Variants in PLPP3 observed in about 807,000 individuals in gnomAD.
PLPP3 encodes the protein PAP2 beta.
Under a neutral mutation model 29.6 loss-of-function variants are expected in PLPP3, and 6 were observed. The observed-to-expected ratio is 0.20, with a 90% CI of 0.11 to 0.40. The LOEUF is 0.40. Ranked by LOEUF, PLPP3 falls within the 10% of genes least tolerant of loss-of-function variation. The pLI is 1.00. For synonymous variants in PLPP3, 152 were observed against 159.7 expected, an observed-to-expected ratio of 0.95 and a Z score of 0.36; for missense variants, 308 against 407.7, an observed-to-expected ratio of 0.76 and a Z score of 2.11.
At chr1:56,496,793 C>G (rs1645634082) in intron 5 of PLPP3, 117 bp from the exon 6 acceptor site, 1 of 1,003,908 alleles carries the variant, frequency 1.0e-6, no homozygotes, top group Admixed American at 2.7e-5. Flanking sequence ...AATCATAACT[C>G]TTTGAATAGG....
intron 1 of PLPP3, among the ~76,000 whole-genome samples, chr1:56,559,029 A>G (rs1221811639): frequency 6.6e-6 from 1 of 152,204 alleles, no homozygotes; most frequent in Non-Finnish European, 1.5e-5. Context: ...AAACCAACAG[A>G]GTTCAAGTGA....
intron 4 of PLPP3, among the ~76,000 whole-genome samples, chr1:56,515,432 C>A (rs1370885390): frequency 6.6e-6 from 1 of 152,136 alleles, no homozygotes; most frequent in Non-Finnish European, 1.5e-5. Context: ...TGTTTCCCAA[C>A]CGGACAAAGC....
intron 1 of PLPP3, among the ~76,000 whole-genome samples, chr1:56,555,663 C>G (rs750417793): frequency 6.6e-6 from 1 of 152,018 alleles, no homozygotes; most frequent in Non-Finnish European, 1.5e-5. Flanking sequence ...CAAGGGCCAT[C>G]ATGCTTGGCT....
chr1:56,535,671 G>A (rs1386135826), intron 2 of PLPP3, among the ~76,000 whole-genome samples: 2 of 152,196 alleles, frequency 1.3e-5, no homozygotes, highest in Non-Finnish European at 2.9e-5. Context: ...CAAGCAGCAA[G>A]CGAAGAGCTG....
intron 1 of PLPP3, among the ~76,000 whole-genome samples, chr1:56,538,219 T>G (rs750720611): frequency 2.0e-5 from 3 of 152,188 alleles, no homozygotes; most frequent in Non-Finnish European, 4.4e-5. Flanking sequence ...CATGCTCTGC[T>G]GCTCCTCTTC....
At chr1:56,543,337 G>C (rs971497249) in intron 1 of PLPP3, among the ~76,000 whole-genome samples, 1 of 152,146 alleles carries the variant, frequency 6.6e-6, no homozygotes, top group Admixed American at 6.5e-5. Flanking sequence ...TTTTATAACT[G>C]GTACAAGGTC....
chr1:56,563,461 C>G (rs1318670224), intron 1 of PLPP3, among the ~76,000 whole-genome samples: 1 of 152,190 alleles, frequency 6.6e-6, no homozygotes, highest in Non-Finnish European at 1.5e-5. Context: ...TGCTGTCTCT[C>G]TGCAGAAAAG....
intron 2 of PLPP3, among the ~76,000 whole-genome samples, chr1:56,534,782 A>T (rs980446940): frequency 3.3e-5 from 5 of 152,130 alleles, no homozygotes; most frequent in African/African-American, 4.8e-5. Context: ...TACCCTTGAT[A>T]GTTATGACAG....
chr1:56,524,827 TG>T lies in PLPP3; in HGVS notation c.298-274del, dbSNP rs1645843033. On this transcript the variant is annotated intron_variant, in intron 2 of 5. Coordinates refer to ENST00000371250, the MANE Select transcript of PLPP3 (RefSeq NM_003713.5). This position sits in a 1 kb window ranked among gnomAD's most constrained non-coding sequence, Gnocchi z 4.3. Reference sequence around the variant, plus strand: ...GTGTATGTGTGTGTGTGTGTGTGTGTGTGTGTATCTTTTTTTTTAAGGGAGA... The same window carrying T: ...GTGTATGTGTGTGTGTGTGTGTGTGTTGTGTATCTTTTTTTTTAAGGGAGA... Among the ~76,000 whole-genome samples the T allele has an allele frequency of 6.6e-6, 1 of 152,074 alleles. No homozygotes were observed. Among genetic ancestry groups the T allele is most frequent in the Admixed American group, 6.6e-5 (1 of 15,248 alleles).
intron 1 of PLPP3, among the ~76,000 whole-genome samples, chr1:56,562,036 CAAAAAAAAAAAAA>C (rs71048439): frequency 5.9e-5 from 3 of 50,958 alleles, no homozygotes; most frequent in East Asian, 8.8e-4. Context: ...CTCCGTTTCA[CAAAAAAAAAAAAA>C]AAAAAAAAAA....
At chr1:56,576,530 A>G (rs934186696) in intron 1 of PLPP3, among the ~76,000 whole-genome samples, 18 of 152,174 alleles carry the variant, frequency 1.2e-4, no homozygotes, top group African/African-American at 3.9e-4. Flanking sequence ...AATTAGTGAT[A>G]TTGTAATTGG....
chr1:56,570,723 T>C (rs1953114), intron 1 of PLPP3, among the ~76,000 whole-genome samples: 2,490 of 152,250 alleles, frequency 0.016, 66 homozygotes, highest in East Asian at 0.1. Flanking sequence ...GGAGAGTTTG[T>C]TGAGAGGCTT....
chr1:56,537,248 G>C, intron 1 of PLPP3, 136 bp from the exon 2 acceptor site: 1 of 1,011,522 alleles, frequency 9.9e-7, no homozygotes, highest in Non-Finnish European at 1.4e-6. Flanking sequence ...CCTTCCATTT[G>C]TAGAGATCTA....
chr1:56,495,546 C>T lies in PLPP3; in HGVS notation c.*1005G>A, dbSNP rs985985190. Reference sequence around the variant, plus strand: ...GGTAACCTCTCATGCATGAGACTGCCTGCTTCTCTGGCTCCTTCTGATTTG... The same window carrying T: ...GGTAACCTCTCATGCATGAGACTGCTTGCTTCTCTGGCTCCTTCTGATTTG... On this transcript the variant is annotated 3_prime_UTR_variant, in exon 6 of 6. Transcript: ENST00000371250. 2.0e-5 allele frequency: 3 copies of T among 152,786 alleles called. No individual in the cohort carries two copies. The highest frequency in any genetic ancestry group is 2.9e-5 in the Non-Finnish European group (2 of 68,132). The allele number at this position is 152,786 out of a possible 1,614,324, so 9.5% of individuals were successfully genotyped here.
chr1:56,535,521 A>G (rs1198525393), intron 2 of PLPP3, among the ~76,000 whole-genome samples: 1 of 152,202 alleles, frequency 6.6e-6, no homozygotes, highest in East Asian at 1.9e-4. Context: ...TGCTTCAAGA[A>G]AACCTGGGAG....
At position 56,578,752 on chromosome 1, in the gene PLPP3, G is replaced by A. The variant is rs1646255073; in HGVS notation, c.139+126C>T. On this transcript the variant is annotated intron_variant, in intron 1 of 5. Transcript: ENST00000371250. ...GGGCGGCGCAAAGGCTCCCCAGGAA[G>A]GCTGCGGGGGCCCCCCGGAGCTGAC... The A allele has an allele frequency of 2.4e-5, 25 of 1,058,922 alleles. No individual in the cohort carries two copies. The East Asian group carries it at 9.0e-4, about 38-fold the overall frequency. 65.6% of individuals were successfully genotyped at this position (1,058,922 alleles called of 1,614,324 possible).
intron 4 of PLPP3, among the ~76,000 whole-genome samples, chr1:56,520,667 T>G (rs1184097425): frequency 7.6e-6 from 1 of 131,708 alleles, no homozygotes; most frequent in Non-Finnish European, 1.7e-5. Context: ...TCCCAACACT[T>G]TGGGAGGCTG....
intron 1 of PLPP3, among the ~76,000 whole-genome samples, chr1:56,568,552 T>C (rs541743569): frequency 9.3e-4 from 141 of 152,314 alleles, no homozygotes; most frequent in African/African-American, 3.3e-3. Context: ...GCATTTAAAG[T>C]GTTTCTGGAA....
At chr1:56,514,437 G>A (rs1293269447) in intron 4 of PLPP3, among the ~76,000 whole-genome samples, 1 of 152,134 alleles carries the variant, frequency 6.6e-6, no homozygotes, top group Non-Finnish European at 1.5e-5. Context: ...GCAGTGGTGA[G>A]AAATAGGGCT....
Sources: gnomAD v4.1 joint callset for allele counts (sites outside exome capture counted in the v4.1 genomes callset) on GRCh38, gnomAD v4.1.1 for gene constraint, Gnocchi (gnomAD v3.1) non-coding constraint, MANE v1.5 for transcripts, NCBI Gene and HGNC (gene_info 2026-07-23, HGNC 2026-07-21) for gene names.